MARF1: variants seen among roughly 807,000 people sequenced by gnomAD.
The protein encoded by MARF1 is limkain-b1.
Under a neutral mutation model 168.2 loss-of-function variants are expected in MARF1, and 24 were observed. The observed-to-expected ratio is 0.14, with a 90% CI of 0.10 to 0.20. MARF1 has a LOEUF of 0.20. Ranked by LOEUF, MARF1 falls within the 10% of genes least tolerant of loss-of-function variation. MARF1 has a pLI of 1.00. For missense variants in MARF1, 1,744 were observed against 2,143.6 expected (o/e 0.81, Z 3.68); for synonymous variants, 868 against 822.4 (o/e 1.06, Z -0.95).
At chr16:15,603,990 TCTG>T in intron 22 of MARF1, among the ~76,000 whole-genome samples, 175 bp downstream of exon 22, 1 of 152,146 alleles carries the variant, frequency 6.6e-6, no homozygotes, top group East Asian at 1.9e-4. Flanking sequence ...TTCACTGGCT[TCTG>T]CCACCCATTT....
In MARF1 at chr16:15,608,421, T is replaced by C. The variant is rs1181620633; in HGVS notation, c.4052A>G (p.Lys1351Arg). 3 of 1,614,018 alleles carry C rather than the reference T, an allele frequency of 1.9e-6. No homozygotes were observed. In the Admixed American group the frequency reaches 5.0e-5, roughly 27 times the overall value. Residue 1351 changes from lysine (K) to arginine (R), a missense_variant, in exon 21 of 27, where the codon AAA (lysine) becomes AGA (arginine). By Grantham distance (26) the Lys-to-Arg change is conservative. Around this residue, in one of 7 missense-constraint regions of MARF1, gnomAD observed 543 missense variants for 742.1 expected, o/e 0.73. Coordinates refer to ENST00000396368, the MANE Select transcript of MARF1 (RefSeq NM_014647.4). Reference sequence around the variant, plus strand: ...ATCTGTCATCATAAGGCAGTTATCTTTTTGGGACCGAAGGAGTTTAACAAA... The same window carrying C: ...ATCTGTCATCATAAGGCAGTTATCTCTTTGGGACCGAAGGAGTTTAACAAA... ...AQFVKLLRSQ[K>R]DNCLMMTDLL...
chr16:15,627,081 G>A (rs547557297), intron 7 of MARF1, among the ~76,000 whole-genome samples: 2 of 152,274 alleles, frequency 1.3e-5, no homozygotes, highest in South Asian at 4.1e-4. Context: ...GCCAGGCATG[G>A]TGGCTCATGC....
chr16:15,640,428 G>T (rs2035873577), intron 1 of MARF1, among the ~76,000 whole-genome samples: 1 of 152,334 alleles, frequency 6.6e-6, no homozygotes, highest in African/African-American at 2.4e-5. Flanking sequence ...TGCAAGCGAG[G>T]CACCGTGGCT....
chr16:15,625,691 C>T lies in MARF1; in HGVS notation c.1634G>A (p.Ser545Asn), dbSNP rs1225982380. ...LSDNCGGKVL[S>N]ITGCSAILRF... ...GAGAATTGCACTGCAGCCTGTGATA[C>T]TCAGCACTTTCCCACCACAATTATC... is the stretch of plus-strand genomic sequence containing the variant. The change falls in exon 8 of 27, where the codon AGT becomes AAT. Residue 545 changes from serine to asparagine, a missense_variant. Physicochemically the swap from Ser to Asn is conservative, Grantham distance 46. Around this residue, in one of 7 missense-constraint regions of MARF1, gnomAD observed 217 missense variants for 372.4 expected, o/e 0.58. Transcript: ENST00000396368. The T allele has an allele frequency of 1.2e-6, 2 of 1,614,112 alleles. No individual in the cohort carries two copies. Among genetic ancestry groups the T allele is most frequent in the African/African-American group, 2.7e-5 (2 of 74,932 alleles).
chr16:15,598,497 G>A (rs2032000830), intron 26 of MARF1, among the ~76,000 whole-genome samples: 3 of 152,060 alleles, frequency 2.0e-5, no homozygotes, highest in African/African-American at 7.2e-5. Context: ...CCCCACCATG[G>A]GTGACGTGTA....
chr16:15,596,686 A>G lies in MARF1; in HGVS notation c.*7T>C. ...TTCCCATCCTAATTCTATATTCCAA[A>G]TGGGAGTTAAAGCTTGGTTATAGGT... On this transcript the variant is annotated 3_prime_UTR_variant, in exon 27 of 27. Coordinates refer to ENST00000396368, the MANE Select transcript of MARF1 (RefSeq NM_014647.4). The G allele has an allele frequency of 6.4e-7, 1 of 1,571,312 alleles. No individual in the cohort carries two copies. Among genetic ancestry groups the G allele is most frequent in the Non-Finnish European group, 8.7e-7 (1 of 1,153,110 alleles).
intron 23 of MARF1, 116 bp downstream of exon 23, chr16:15,601,875 T>C: frequency 1.2e-6 from 1 of 826,242 alleles, no homozygotes; most frequent in Non-Finnish European, 2.1e-6. Context: ...TTTGAAAGGA[T>C]CAATTCAAAA....
At chr16:15,618,565 TC>T (rs944752857) in intron 13 of MARF1, among the ~76,000 whole-genome samples, 2 of 152,110 alleles carry the variant, frequency 1.3e-5, no homozygotes, top group African/African-American at 2.4e-5. Flanking sequence ...TGGCCTTGGA[TC>T]CCCCCATTCC....
At position 15,600,714 on chromosome 16, in the gene MARF1, C is replaced by A; in HGVS notation, c.4627-13G>T. On this transcript the variant is annotated splice_polypyrimidine_tract_variant and intron_variant, in intron 23 of 26. Transcript: ENST00000396368. ...TTATCCAGACCACCTGCACACAAGA[C>A]ATACTACTGGTTAAGCAGCGGAAAA... is the stretch of plus-strand genomic sequence containing the variant. 1 of 1,613,556 alleles carries A rather than the reference C, an allele frequency of 6.2e-7. No individual in the cohort carries two copies. Among genetic ancestry groups the A allele is most frequent in the South Asian group, 1.1e-5 (1 of 91,084 alleles).
chr16:15,600,254 G>A (rs1409583444), intron 25 of MARF1, among the ~76,000 whole-genome samples, 174 bp downstream of exon 25: 1 of 152,160 alleles, frequency 6.6e-6, no homozygotes, highest in Non-Finnish European at 1.5e-5. Flanking sequence ...ACAGATAAAG[G>A]TCAATTTTAT....
At chr16:15,629,497 C>A (rs968680770) in intron 7 of MARF1, among the ~76,000 whole-genome samples, 1 of 152,188 alleles carries the variant, frequency 6.6e-6, no homozygotes, top group Non-Finnish European at 1.5e-5. Context: ...GAGCTGATTT[C>A]TTTCTCCCTT....
At chr16:15,618,222 T>C (rs981918897) in intron 13 of MARF1, among the ~76,000 whole-genome samples, 3 of 152,210 alleles carry the variant, frequency 2.0e-5, no homozygotes. Flanking sequence ...TCATAGTAAG[T>C]GCTCAGTAAG....
chr16:15,599,154 T>TAAAGAAAAA, intron 25 of MARF1, 130 bp from the exon 26 acceptor site: 1 of 297,700 alleles, frequency 3.4e-6, no homozygotes. Flanking sequence ...TTTAAGGTAT[T>TAAAGAAAAA]AAAAAAAAAA....
Position 15,611,075 on chromosome 16 carries a change from A to G in MARF1, c.3651T>C (p.Tyr1217=). ...CFSKDWDVTE[Y]GVCELIDIVS... is the part of the protein sequence containing the mutation. ...CGATGTCAATCAACTCACAAACACC[A>G]TATTCAGTGACATCCCAGTCCTTTG... Residue 1217 remains tyrosine (Y), a synonymous_variant, in exon 19 of 27, where the codon TAT becomes TAC. Transcript: ENST00000396368. The G allele has an allele frequency of 1.2e-6, 2 of 1,613,824 alleles. No homozygotes were observed. The highest frequency in any genetic ancestry group is 1.7e-6 in the Non-Finnish European group (2 of 1,179,720).
At position 15,596,995 on chromosome 16, in the gene MARF1, TTC is replaced by T. The variant is rs373609997; in HGVS notation, c.4985-60_4985-59del. 7.8e-4 allele frequency: 1,182 copies of T among 1,513,924 alleles called. 6 individuals are homozygous for T. The African/African-American group carries it at 0.015, about 19-fold the overall frequency. The allele number at this position is 1,513,924 out of a possible 1,614,324, so 93.8% of individuals were successfully genotyped here. Reference sequence around the variant, plus strand: ...CCAGGAACTGTAAGAAGTGTGGGTTTTCTCTTCCTTGCTCATATTTTCTCAAA... The same window carrying T: ...CCAGGAACTGTAAGAAGTGTGGGTTTTCTTCCTTGCTCATATTTTCTCAAA... On this transcript the variant is annotated intron_variant, in intron 26 of 26. Transcript: ENST00000396368.
At chr16:15,632,457 A>G (rs541321733) in intron 5 of MARF1, among the ~76,000 whole-genome samples, 2 of 152,314 alleles carry the variant, frequency 1.3e-5, no homozygotes, top group East Asian at 3.9e-4. Context: ...AGAGATAAGG[A>G]AGGTGCTTTA....
In MARF1 at chr16:15,600,702, C is replaced by G; in HGVS notation, c.4627-1G>C. ...GACCATGTCCTTTTATCCAGACCAC[C>G]TGCACACAAGACATACTACTGGTTA... is the stretch of plus-strand genomic sequence containing the variant. On this transcript the variant is annotated splice_acceptor_variant, in intron 23 of 26. Transcript: ENST00000396368. LOFTEE classifies it high-confidence loss of function. The G allele has an allele frequency of 6.2e-7, 1 of 1,613,724 alleles. No homozygotes were observed. Among genetic ancestry groups the G allele is most frequent in the Non-Finnish European group, 8.5e-7 (1 of 1,179,988 alleles).
rs200110309 is a variant in MARF1, at chr16:15,625,636, G to A, written c.1689C>T (p.Arg563=). 24 of 1,614,160 alleles carry A rather than the reference G, an allele frequency of 1.5e-5. No individual in the cohort carries two copies. In the African/African-American group the frequency reaches 1.9e-4, roughly 13 times the overall value. ...CTTCGTTTTCCATTCGCTTCTGAGC[G>A]CGCTCTGCACTATCTTGGTTTATGA... ...LRFINQDSAE[R]AQKRMENEDV... Residue 563 remains arginine, a synonymous_variant, in exon 8 of 27, where the codon CGC becomes CGT. Coordinates refer to ENST00000396368, the MANE Select transcript of MARF1 (RefSeq NM_014647.4).
rs372873466 is a variant in MARF1 at position 15,617,288 on chromosome 16, G to A, written c.2957+11C>T. 36 of 1,611,434 alleles carry A rather than the reference G, an allele frequency of 2.2e-5. 1 individual carries two copies. The highest frequency in any genetic ancestry group is 1.4e-4 in the South Asian group (13 of 90,982). On this transcript the variant is annotated intron_variant, in intron 14 of 26. Coordinates refer to ENST00000396368, the MANE Select transcript of MARF1 (RefSeq NM_014647.4). The stretch of plus-strand genomic sequence containing the variant: ...AAAAGAATTACTTCTAAAGGAAAAC[G>A]AACGGCACACCTGAAATCCTTATTG...
Sources: gnomAD v4.1 joint callset for allele counts (sites outside exome capture counted in the v4.1 genomes callset) on GRCh38, gnomAD v4.1.1 for gene constraint, gnomAD v4.1.1 regional missense constraint, MANE v1.5 for transcripts, NCBI Gene and HGNC (gene_info 2026-07-23, HGNC 2026-07-21) for gene names.